The following CLYBL variants were observed in gnomAD, a reference collection of about 807,000 sequenced individuals.
CLYBL encodes citramalyl-CoA lyase, also known as citramalyl-CoA lyase, mitochondrial.
Under a neutral mutation model 38.9 loss-of-function variants are expected in CLYBL, and 31 were observed. The observed-to-expected ratio is 0.80, with a 90% CI of 0.60 to 1.08. The LOEUF (loss-of-function observed/expected upper bound fraction) is 1.08. Among genes scored for constraint, CLYBL ranks in the 50% least tolerant of loss-of-function variants. The pLI is 0.00. For synonymous variants in CLYBL, 171 were observed against 158.6 expected (o/e 1.08, Z -0.59); for missense variants, 434 against 411.6 (o/e 1.05, Z -0.47).
At chr13:99,638,259 A>G (rs1222787410) in intron 1 of CLYBL, among the ~76,000 whole-genome samples, 2 of 152,192 alleles carry the variant, frequency 1.3e-5, no homozygotes, top group African/African-American at 2.4e-5. Context: ...TGCCCAGCTT[A>G]ATGATGCTAT....
In CLYBL at chr13:99,859,026, G is replaced by A. The variant is rs1489971239; in HGVS notation, c.415G>A (p.Glu139Lys). ...TTCCAGCCTGATGCTACCAAAGGTG[G>A]AAAGTCCTGAAGAAATCCAGTGGGT... ...LPSSLMLPKVESPEEIQWFAD... is the reference protein window; with the variant it reads ...LPSSLMLPKVKSPEEIQWFAD... Residue 139 changes from glutamate (E) to lysine (K), a missense_variant, in exon 3 of 9, where the codon GAA becomes AAA. By Grantham distance (56) the Glu-to-Lys change is moderately conservative. Transcript: ENST00000339105. 6.2e-7 allele frequency: 1 copy of A among 1,613,566 alleles called. No individual in the cohort carries two copies. The highest frequency in any genetic ancestry group is 8.5e-7 in the Non-Finnish European group (1 of 1,179,802).
At chr13:99,743,873 C>CTCCTGCAG (rs1414230410) in intron 1 of CLYBL, among the ~76,000 whole-genome samples, 1 of 151,668 alleles carries the variant, frequency 6.6e-6, no homozygotes, top group Admixed American at 6.6e-5. Flanking sequence ...CTTTGGGTTG[C>CTCCTGCAG]TCCTGCAGTC....
At chr13:99,770,317 T>G (rs1566319576) in intron 1 of CLYBL, among the ~76,000 whole-genome samples, 1 of 151,678 alleles carries the variant, frequency 6.6e-6, no homozygotes, top group Non-Finnish European at 1.5e-5. Flanking sequence ...CGAACTCTTT[T>G]TTTGTTTGTT....
At chr13:99,625,278 G>A (rs2046853269) in intron 1 of CLYBL, among the ~76,000 whole-genome samples, 1 of 152,200 alleles carries the variant, frequency 6.6e-6, no homozygotes, top group South Asian at 2.1e-4. Context: ...ACCTTGCATG[G>A]CCCCACACAT....
chr13:99,683,560 T>G (rs2047770169), intron 1 of CLYBL, among the ~76,000 whole-genome samples: 1 of 151,962 alleles, frequency 6.6e-6, no homozygotes, highest in African/African-American at 2.4e-5. Flanking sequence ...ACACATACAT[T>G]AGCCTAGGCC....
intron 1 of CLYBL, among the ~76,000 whole-genome samples, chr13:99,636,394 T>C (rs149366012): frequency 1.3e-3 from 200 of 152,332 alleles, no homozygotes; most frequent in African/African-American, 4.4e-3. Context: ...CTCCTGATGC[T>C]TGAAAACAGA....
In CLYBL at chr13:99,859,029, A is replaced by G. The variant is rs1257624282; in HGVS notation, c.418A>G (p.Ser140Gly). Residue 140 changes from serine (S) to glycine (G), a missense_variant, in exon 3 of 9, where the codon AGT becomes GGT. Coordinates refer to ENST00000339105, the MANE Select transcript of CLYBL (RefSeq NM_206808.5). ...CAGCCTGATGCTACCAAAGGTGGAA[A>G]GTCCTGAAGAAATCCAGTGGGTGAG... Reference protein sequence around the residue: ...PSSLMLPKVESPEEIQWFADK... With the variant: ...PSSLMLPKVEGPEEIQWFADK... 1.9e-6 allele frequency: 3 copies of G among 1,613,078 alleles called. No homozygotes were observed. The highest frequency in any genetic ancestry group is 1.3e-5 in the African/African-American group (1 of 74,862).
chr13:99,824,248 T>G (rs1038307852), intron 2 of CLYBL, among the ~76,000 whole-genome samples: 1 of 137,654 alleles, frequency 7.3e-6, no homozygotes, highest in African/African-American at 2.7e-5. Context: ...GAAAGCCTTC[T>G]GACTAATAGC....
intron 2 of CLYBL, among the ~76,000 whole-genome samples, chr13:99,848,726 C>G (rs1423064116): frequency 1.3e-5 from 2 of 152,224 alleles, no homozygotes; most frequent in Non-Finnish European, 2.9e-5. Context: ...CTGCTAGAAA[C>G]CAGAAATTCT....
At chr13:99,614,193 A>AC (rs749912442) in intron 1 of CLYBL, among the ~76,000 whole-genome samples, 37 of 152,276 alleles carry the variant, frequency 2.4e-4, no homozygotes, top group African/African-American at 7.7e-4. Context: ...GAATAAAAAG[A>AC]CCAGTGGTCC....
intron 8 of CLYBL, chr13:99,891,900 A>G (rs1022028067): frequency 6.5e-6 from 1 of 152,968 alleles, no homozygotes; most frequent in Admixed American, 6.5e-5. Context: ...AATCTGATAA[A>G]ACAACAGAGA....
intron 2 of CLYBL, among the ~76,000 whole-genome samples, chr13:99,855,088 T>G (rs532811542): frequency 6.6e-6 from 1 of 152,308 alleles, no homozygotes; most frequent in African/African-American, 2.4e-5. Flanking sequence ...TGGTAATTAG[T>G]CTCTTCGAAG....
At position 99,804,035 on chromosome 13, in the gene CLYBL, C is replaced by T. The variant is rs533825288; in HGVS notation, c.249+31025C>T. On this transcript the variant is annotated intron_variant, in intron 2 of 8. Coordinates refer to ENST00000339105, the MANE Select transcript of CLYBL (RefSeq NM_206808.5). ...AGAAAGGACGACCAGAAAACAGAAACGACTTCAAAGAGAAAAGGGAGTGGA... is the reference window on the plus strand; with the variant it reads ...AGAAAGGACGACCAGAAAACAGAAATGACTTCAAAGAGAAAAGGGAGTGGA... Among the ~76,000 whole-genome samples the T allele has an allele frequency of 5.3e-5, 8 of 152,262 alleles. No individual in the cohort carries two copies. In the South Asian group the frequency reaches 6.2e-4, roughly 12 times the overall value.
intron 4 of CLYBL, among the ~76,000 whole-genome samples, chr13:99,864,588 A>G (rs1231806456): frequency 6.6e-6 from 1 of 152,262 alleles, no homozygotes; most frequent in Non-Finnish European, 1.5e-5. Context: ...CAATTTGAAC[A>G]TTATAACTAT....
Position 99,891,379 on chromosome 13 carries a change from C to T in CLYBL, c.989C>T (p.Thr330Ile), listed in dbSNP as rs757143748. 6.2e-7 allele frequency: 1 copy of T among 1,613,908 alleles called. No homozygotes were observed. Reference sequence around the variant, plus strand: ...CCATTACTGAAGCAGGCCCAGAACACTGTTACGCTTGCCACCTCCATCAAG... The same window carrying T: ...CCATTACTGAAGCAGGCCCAGAACATTGTTACGCTTGCCACCTCCATCAAG... The part of the protein sequence containing the change: ...DMPLLKQAQN[T>I]VTLATSIKEK The change falls in exon 8 of 9, where the codon ACT becomes ATT. Residue 330 changes from threonine (T) to isoleucine (I), a missense_variant. Thr to Ile is a moderately conservative substitution (Grantham distance 89). Coordinates refer to ENST00000339105, the MANE Select transcript of CLYBL (RefSeq NM_206808.5).
rs373484721 is a variant in CLYBL, at chr13:99,709,923, C to CTT, written c.63-62884_63-62883dup. On this transcript the variant is annotated intron_variant, in intron 1 of 8. Coordinates refer to ENST00000339105, the MANE Select transcript of CLYBL (RefSeq NM_206808.5). ...CTACCTTTTTTTTTTTTCTTTCTTTCTTTTTTTTTTTTTTTTTTGAGACGG... is the reference window on the plus strand; with the variant it reads ...CTACCTTTTTTTTTTTTCTTTCTTTCTTTTTTTTTTTTTTTTTTTTGAGACGG... Among the ~76,000 whole-genome samples, 706 of 110,444 alleles carry CTT rather than the reference C, an allele frequency of 6.4e-3. 16 individuals are homozygous for CTT. The highest frequency in any genetic ancestry group is 7.6e-3 in the African/African-American group (209 of 27,472). 72.5% of individuals were successfully genotyped at this position (110,444 alleles called of 152,430 possible).
At chr13:99,612,487 A>G (rs933977338) in intron 1 of CLYBL, among the ~76,000 whole-genome samples, 2 of 149,164 alleles carry the variant, frequency 1.3e-5, no homozygotes, top group Non-Finnish European at 3.0e-5. Flanking sequence ...TTCTAAGCTC[A>G]AACAGTCCTC....
intron 1 of CLYBL, among the ~76,000 whole-genome samples, chr13:99,724,742 C>A (rs934899621): frequency 1.3e-5 from 2 of 152,092 alleles, no homozygotes; most frequent in African/African-American, 2.4e-5. Context: ...CAGCAAAAGG[C>A]TAAAGACATA....
In CLYBL at chr13:99,644,206, G is replaced by GTATGTCTATGTGGTGTA. The variant is rs10643154; in HGVS notation, c.62+37450_62+37451insATGTCTATGTGGTGTAT. Among the ~76,000 whole-genome samples, 7 of 145,116 alleles carry GTATGTCTATGTGGTGTA rather than the reference G, an allele frequency of 4.8e-5. No homozygotes were observed. The South Asian group carries it at 1.1e-3, about 23-fold the overall frequency. On this transcript the variant is annotated intron_variant, in intron 1 of 8. Coordinates refer to ENST00000339105, the MANE Select transcript of CLYBL (RefSeq NM_206808.5). ...GTGTATGTATGTATATGTGGTGTAT[G>GTATGTCTATGTGGTGTA]TGTATATGTGGTGTATGTATATGTG...
Sources: gnomAD v4.1 joint callset for allele counts (sites outside exome capture counted in the v4.1 genomes callset) on GRCh38, gnomAD v4.1.1 for gene constraint, MANE v1.5 for transcripts, NCBI Gene and HGNC (gene_info 2026-07-23, HGNC 2026-07-21) for gene names.